The following TNIK variants were observed in gnomAD, a reference collection of about 807,000 sequenced individuals.
TNIK encodes TRAF2 and NCK-interacting protein kinase.
A neutral mutation model predicts 191.3 loss-of-function variants in TNIK; 49 were observed. That is an observed-to-expected ratio of 0.26 (90% CI 0.20 to 0.32). The LOEUF (loss-of-function observed/expected upper bound fraction) is 0.32. Among genes scored for constraint, TNIK ranks in the 10% least tolerant of loss-of-function variants. TNIK has a pLI of 1.00. For synonymous variants in TNIK, 594 were observed against 600.9 expected (o/e 0.99, Z 0.17); for missense variants, 1,155 against 1,702.3 (o/e 0.68, Z 5.66).
intron 3 of TNIK, among the ~76,000 whole-genome samples, chr3:171,223,988 G>T (rs1742677985): frequency 6.6e-6 from 1 of 152,132 alleles, no homozygotes; most frequent in South Asian, 2.1e-4. Flanking sequence ...AGGTTCCAGA[G>T]CCAGGCATCC....
chr3:171,256,643 T>G (rs1032229817), intron 2 of TNIK, among the ~76,000 whole-genome samples: 7 of 152,102 alleles, frequency 4.6e-5, no homozygotes, highest in Non-Finnish European at 1.0e-4. Context: ...TTACAAAGGG[T>G]GACTAGCTGA....
chr3:171,371,509 T>C (rs564271591), intron 1 of TNIK, among the ~76,000 whole-genome samples: 1 of 152,202 alleles, frequency 6.6e-6, no homozygotes, highest in Admixed American at 6.5e-5. Context: ...CACTCCATGC[T>C]CATGTCCTGA....
intron 2 of TNIK, among the ~76,000 whole-genome samples, chr3:171,351,271 ATGTG>A (rs1335605618): frequency 7.3e-5 from 11 of 150,250 alleles, no homozygotes; most frequent in African/African-American, 2.7e-4. Context: ...ATATGTATAT[ATGTG>A]TGTGTGTGTG....
intron 1 of TNIK, among the ~76,000 whole-genome samples, chr3:171,385,086 T>C (rs1369060622): frequency 6.6e-6 from 1 of 152,126 alleles, no homozygotes; most frequent in Non-Finnish European, 1.5e-5. Flanking sequence ...TGGCCAAACA[T>C]GAAGGGCACA....
At chr3:171,105,882 A>G (rs11705922) in intron 21 of TNIK, among the ~76,000 whole-genome samples, 4,959 of 152,234 alleles carry the variant, frequency 0.033, 139 homozygotes, top group South Asian at 0.072. Context: ...GAGAAAACTG[A>G]CAAAAGTTGT....
intron 1 of TNIK, among the ~76,000 whole-genome samples, chr3:171,376,324 A>C (rs898335665): frequency 6.6e-6 from 1 of 152,184 alleles, no homozygotes; most frequent in Non-Finnish European, 1.5e-5. Context: ...GTTCCCTCAA[A>C]GGTAATTTTT....
chr3:171,237,618 TTATATACCTAAAACA>T (rs1560303701), intron 2 of TNIK, among the ~76,000 whole-genome samples: 1 of 152,128 alleles, frequency 6.6e-6, no homozygotes, highest in Non-Finnish European at 1.5e-5. Flanking sequence ...TATCTAAAAC[TTATATACCTAAAACA>T]TATATAGGCT....
intron 1 of TNIK, among the ~76,000 whole-genome samples, chr3:171,394,887 G>A (rs916490875): frequency 2.6e-5 from 4 of 152,130 alleles, no homozygotes; most frequent in Non-Finnish European, 5.9e-5. Flanking sequence ...AAACAGTCTC[G>A]CACCTAAGAT....
intron 22 of TNIK, among the ~76,000 whole-genome samples, 164 bp downstream of exon 22, chr3:171,101,283 TAG>T (rs1393625596): frequency 1.3e-5 from 2 of 152,110 alleles, no homozygotes; most frequent in East Asian, 3.9e-4. Context: ...TGTCCATAGA[TAG>T]AGATAATTAT....
chr3:171,257,969 C>T (rs942328874), intron 2 of TNIK, among the ~76,000 whole-genome samples: 2 of 152,166 alleles, frequency 1.3e-5, no homozygotes, highest in African/African-American at 4.8e-5. Context: ...TTTATGGTTC[C>T]TGCATTTGGA....
chr3:171,456,870 A>G (rs992342397), intron 1 of TNIK, among the ~76,000 whole-genome samples: 1 of 152,234 alleles, frequency 6.6e-6, no homozygotes, highest in South Asian at 2.1e-4. Context: ...TAGAGAAAAG[A>G]GCACTGAATG....
chr3:171,273,033 C>G (rs962975716), intron 2 of TNIK, among the ~76,000 whole-genome samples: 9 of 152,216 alleles, frequency 5.9e-5, no homozygotes, highest in Non-Finnish European at 1.3e-4. Flanking sequence ...GATGTATGAT[C>G]AGAAGCCCAT....
rs147477368 is a variant in TNIK, at chr3:171,375,604, C to A, written c.58-5919G>T. On this transcript the variant is annotated intron_variant, in intron 1 of 32. Transcript: ENST00000436636. ...ACAGCAGAGAGGAGAGATTTAAGAT[C>A]TAGGGTTTGATATTCCCTGCCACTA... 2.6e-3 allele frequency among the ~76,000 whole-genome samples: 391 copies of A among 152,272 alleles called. 2 individuals are homozygous for A. Among genetic ancestry groups the A allele is most frequent in the African/African-American group, 8.9e-3 (371 of 41,552 alleles).
intron 1 of TNIK, among the ~76,000 whole-genome samples, chr3:171,405,835 A>G (rs968532400): frequency 3.3e-5 from 5 of 152,230 alleles, no homozygotes; most frequent in African/African-American, 4.8e-5. Flanking sequence ...TAAGACACCA[A>G]AAGGGTCACA....
intron 1 of TNIK, among the ~76,000 whole-genome samples, chr3:171,417,140 A>G (rs1723189242): frequency 6.6e-6 from 1 of 152,240 alleles, no homozygotes; most frequent in African/African-American, 2.4e-5. Context: ...TCAGTTGCCA[A>G]TAATTTTATA....
chr3:171,409,986 G>A (rs1722174730), intron 1 of TNIK, among the ~76,000 whole-genome samples: 1 of 151,764 alleles, frequency 6.6e-6, no homozygotes, highest in Non-Finnish European at 1.5e-5. Flanking sequence ...CAGAGAAAGG[G>A]AAATTTATAT....
chr3:171,155,864 T>C (rs971177572), intron 12 of TNIK, among the ~76,000 whole-genome samples: 1 of 152,240 alleles, frequency 6.6e-6, no homozygotes, highest in South Asian at 2.1e-4. Flanking sequence ...ATGCAGTGAC[T>C]TGGTGCTTAG....
chr3:171,344,120 C>T (rs73171594), intron 2 of TNIK, among the ~76,000 whole-genome samples: 10,454 of 152,154 alleles, frequency 0.069, 451 homozygotes, highest in South Asian at 0.13. Context: ...AATAATTTTC[C>T]TTTAAACCCC....
chr3:171,071,573 A>G (rs1719184658), intron 28 of TNIK, among the ~76,000 whole-genome samples: 1 of 152,130 alleles, frequency 6.6e-6, no homozygotes, highest in Non-Finnish European at 1.5e-5. Context: ...CCAGAGATAT[A>G]ACTGCTTAGG....
Sources: gnomAD v4.1 joint callset for allele counts (sites outside exome capture counted in the v4.1 genomes callset) on GRCh38, gnomAD v4.1.1 for gene constraint, MANE v1.5 for transcripts, NCBI Gene and HGNC (gene_info 2026-07-23, HGNC 2026-07-21) for gene names.